The following TMOD3 variants were observed in gnomAD, a reference collection of about 807,000 sequenced individuals.
TMOD3 encodes tropomodulin-3.
Under a neutral mutation model 39.2 loss-of-function variants are expected in TMOD3, and 20 were observed. That is an observed-to-expected ratio of 0.51 (90% CI 0.36 to 0.74). The LOEUF is 0.74. Among genes scored for constraint, TMOD3 ranks in the 30% least tolerant of loss-of-function variants. The probability of loss-of-function intolerance (pLI) is 0.00; values close to 1 mark genes in which losing one functional copy is unlikely to be tolerated. For missense variants in TMOD3, 381 were observed against 412.8 expected (o/e 0.92, Z 0.67); for synonymous variants, 143 against 145.8 (o/e 0.98, Z 0.14).
In TMOD3 at chr15:51,886,542, C is replaced by G. The variant is rs376902727; in HGVS notation, c.284-1047C>G. ...CCAGTCAGGCGTGGCGGTGCGCGCCCGCATTCCCAGGCACTGGGCAGGCTG... is the reference window on the plus strand; with the variant it reads ...CCAGTCAGGCGTGGCGGTGCGCGCCGGCATTCCCAGGCACTGGGCAGGCTG... On this transcript the variant is annotated intron_variant, in intron 3 of 9. Transcript: ENST00000308580. Among the ~76,000 whole-genome samples the G allele has an allele frequency of 5.9e-5, 9 of 152,302 alleles. No homozygotes were observed. In the East Asian group the frequency reaches 7.8e-4, roughly 13 times the overall value.
chr15:51,857,471 G>A (rs2056394086), intron 1 of TMOD3, among the ~76,000 whole-genome samples: 1 of 152,128 alleles, frequency 6.6e-6, no homozygotes, highest in Admixed American at 6.6e-5. Context: ...GTGGAATGTA[G>A]AATGTCATGT....
intron 3 of TMOD3, among the ~76,000 whole-genome samples, chr15:51,880,947 A>G (rs923953084): frequency 1.5e-4 from 23 of 152,222 alleles, no homozygotes; most frequent in African/African-American, 5.1e-4. Context: ...GTAATGTACC[A>G]GGGTTGAAAT....
chr15:51,841,070 G>C (rs1282346785), intron 1 of TMOD3, among the ~76,000 whole-genome samples: 1 of 152,156 alleles, frequency 6.6e-6, no homozygotes, highest in Non-Finnish European at 1.5e-5. Flanking sequence ...CCTTGAGCAG[G>C]CTCTTAGCCT....
chr15:51,836,116 T>C (rs764280056), intron 1 of TMOD3, among the ~76,000 whole-genome samples: 2 of 152,150 alleles, frequency 1.3e-5, no homozygotes, highest in Non-Finnish European at 2.9e-5. Flanking sequence ...CTTCCCCCTT[T>C]CTCTAACATA....
chr15:51,908,946 T>C lies in TMOD3; in HGVS notation c.*136T>C. On this transcript the variant is annotated 3_prime_UTR_variant, in exon 10 of 10. Transcript: ENST00000308580. ...TTAGTGACATGCATTTTTTTTTTAG[T>C]TGTTATCAAATTGTAAAATCAGTAA... The C allele has an allele frequency of 2.1e-6, 1 of 485,640 alleles. No homozygotes were observed. The highest frequency in any genetic ancestry group is 5.1e-5 in the South Asian group (1 of 19,504). 30.1% of individuals were successfully genotyped at this position (485,640 alleles called of 1,614,324 possible).
intron 1 of TMOD3, among the ~76,000 whole-genome samples, chr15:51,831,087 A>G (rs1253257483): frequency 5.9e-5 from 9 of 152,216 alleles, no homozygotes; most frequent in Admixed American, 5.9e-4. Flanking sequence ...TCTCGTTTTT[A>G]AAAGTTCATT....
intron 6 of TMOD3, among the ~76,000 whole-genome samples, chr15:51,894,638 C>T (rs2056611968): frequency 2.0e-5 from 3 of 152,156 alleles, no homozygotes; most frequent in African/African-American, 7.2e-5. Context: ...ATTATTTTGC[C>T]TTCTCCAGAA....
At chr15:51,885,783 C>G (rs371260687) in intron 3 of TMOD3, among the ~76,000 whole-genome samples, 3 of 152,224 alleles carry the variant, frequency 2.0e-5, no homozygotes, top group Non-Finnish European at 4.4e-5. Flanking sequence ...CATCATGGCC[C>G]GTTCTCAATG....
At chr15:51,877,625 A>C (rs1270468461) in intron 3 of TMOD3, among the ~76,000 whole-genome samples, 1 of 151,838 alleles carries the variant, frequency 6.6e-6, no homozygotes, top group Non-Finnish European at 1.5e-5. Context: ...GGTTGCAGTG[A>C]GCCGAGATTG....
chr15:51,833,081 G>A (rs2056264328), intron 1 of TMOD3: 1 of 152,158 alleles, frequency 6.6e-6, no homozygotes. Flanking sequence ...AAATGGTATA[G>A]ACAATAGAAT....
intron 3 of TMOD3, among the ~76,000 whole-genome samples, chr15:51,873,469 T>C (rs1263651270): frequency 6.6e-6 from 1 of 152,224 alleles, no homozygotes; most frequent in Non-Finnish European, 1.5e-5. Context: ...TTTTACTTTT[T>C]TGGTACATTT....
intron 5 of TMOD3, among the ~76,000 whole-genome samples, chr15:51,891,863 C>G (rs1299079323): frequency 6.6e-6 from 1 of 152,188 alleles, no homozygotes; most frequent in Non-Finnish European, 1.5e-5. Flanking sequence ...GAACCAAGTT[C>G]TGCTTCTTGG....
intron 1 of TMOD3, among the ~76,000 whole-genome samples, chr15:51,850,433 A>G (rs2056355887): frequency 6.6e-6 from 1 of 152,032 alleles, no homozygotes; most frequent in African/African-American, 2.4e-5. Flanking sequence ...TATGATGGGA[A>G]CTCAGATGTC....
chr15:51,844,146 A>G (rs1213348731), intron 1 of TMOD3, among the ~76,000 whole-genome samples: 1 of 152,228 alleles, frequency 6.6e-6, no homozygotes, highest in Non-Finnish European at 1.5e-5. Flanking sequence ...TCCTGGATAT[A>G]TAGCAAACAC....
chr15:51,869,567 A>C (rs1024596910), intron 3 of TMOD3, among the ~76,000 whole-genome samples, 194 bp downstream of exon 3: 1 of 152,182 alleles, frequency 6.6e-6, no homozygotes, highest in Non-Finnish European at 1.5e-5. Flanking sequence ...GTTTCTTCTT[A>C]ATGATGTTAG....
intron 9 of TMOD3, among the ~76,000 whole-genome samples, chr15:51,906,694 A>G (rs562248250): frequency 9.2e-5 from 14 of 152,306 alleles, no homozygotes; most frequent in African/African-American, 3.4e-4. Context: ...ACCCTGCTGC[A>G]ATTCAAAATT....
chr15:51,830,116 C>T (rs921706397), intron 1 of TMOD3, among the ~76,000 whole-genome samples: 2 of 152,098 alleles, frequency 1.3e-5, no homozygotes, highest in Non-Finnish European at 2.9e-5. Flanking sequence ...CGCCCGGGTT[C>T]GGGACCGGCC....
chr15:51,857,536 A>G (rs941994790), intron 1 of TMOD3, among the ~76,000 whole-genome samples: 2 of 152,178 alleles, frequency 1.3e-5, no homozygotes, highest in Non-Finnish European at 2.9e-5. Flanking sequence ...TGCCCCTAAT[A>G]TCTCATTCCT....
chr15:51,869,127 C>T, intron 2 of TMOD3, 90 bp from the exon 3 acceptor site: 1 of 1,409,890 alleles, frequency 7.1e-7, no homozygotes, highest in Non-Finnish European at 9.7e-7. Flanking sequence ...ACATTCCAGT[C>T]TGTAATTCTT....
Sources: allele counts gnomAD v4.1 joint callset (sites outside exome capture counted in the v4.1 genomes callset), GRCh38; gene constraint gnomAD v4.1.1; transcripts MANE v1.5; gene names NCBI Gene and HGNC (gene_info 2026-07-23, HGNC 2026-07-21).